LTBP1: variants seen among roughly 807,000 people sequenced by gnomAD.
LTBP1 encodes the protein latent transforming growth factor beta binding protein 1, also known as latent-transforming growth factor beta-binding protein 1.
Under a neutral mutation model 207.6 loss-of-function variants are expected in LTBP1, and 129 were observed. That is an observed-to-expected ratio of 0.62 (90% CI 0.54 to 0.72). The LOEUF (loss-of-function observed/expected upper bound fraction) is 0.72. Ranked by LOEUF, LTBP1 falls within the 30% of genes least tolerant of loss-of-function variation. The probability of loss-of-function intolerance (pLI) is 0.00; values close to 1 mark genes in which losing one functional copy is unlikely to be tolerated. For synonymous variants in LTBP1, 963 were observed against 833.7 expected (o/e 1.16, Z -2.67); for missense variants, 2,281 against 2,217.2 (o/e 1.03, Z -0.58).
intron 4 of LTBP1, among the ~76,000 whole-genome samples, chr2:33,112,143 T>A (rs531536774): frequency 6.6e-6 from 1 of 152,202 alleles, no homozygotes; most frequent in African/African-American, 2.4e-5. Context: ...ATGATTATAC[T>A]GATAAGAGAA....
intron 5 of LTBP1, among the ~76,000 whole-genome samples, chr2:33,159,558 G>A (rs1179476740): frequency 6.6e-6 from 1 of 152,170 alleles, no homozygotes; most frequent in Middle Eastern, 3.2e-3. Flanking sequence ...TGGTGATTGT[G>A]CTTCTAACCC....
chr2:32,948,834 G>T (rs986304905), intron 1 of LTBP1, 41 bp from the exon 2 acceptor site: 1 of 1,575,782 alleles, frequency 6.3e-7, no homozygotes, highest in African/African-American at 1.3e-5. Context: ...TGGGAAGGGG[G>T]TCTTTCTGCT....
In LTBP1 at chr2:33,311,169, C is replaced by G. The variant is rs116477984; in HGVS notation, c.3604+1613C>G. Among the ~76,000 whole-genome samples, 611 of 152,210 alleles carry G rather than the reference C, an allele frequency of 4.0e-3. 6 individuals carry two copies. Among genetic ancestry groups the G allele is most frequent in the African/African-American group, 0.014 (587 of 41,520 alleles). On this transcript the variant is annotated intron_variant, in intron 23 of 33. Transcript: ENST00000404816. ...ATATATCTATATTACCGGTCACACC[C>G]AGCCATGTGTCAGAGATATGAAAAA...
In LTBP1 at chr2:33,364,274, G is replaced by A; in HGVS notation, c.4458G>A (p.Glu1486=). 2 of 1,613,884 alleles carry A rather than the reference G, an allele frequency of 1.2e-6. No individual in the cohort carries two copies. The highest frequency in any genetic ancestry group is 1.1e-5 in the South Asian group (1 of 91,072). Residue 1486 remains glutamate, a synonymous_variant, in exon 30 of 34, where the codon GAG becomes GAA. Transcript: ENST00000404816. ...TTGATGGCCAGTGTGTTAATACAGA[G>A]GGCTCTTACAACTGCTTCTGTACTC... is the stretch of plus-strand genomic sequence containing the variant. ...SCIDGQCVNT[E]GSYNCFCTHP...
chr2:33,016,069 A>G (rs1688335087), intron 2 of LTBP1, among the ~76,000 whole-genome samples: 1 of 152,090 alleles, frequency 6.6e-6, no homozygotes. Context: ...GTCAGTGGAC[A>G]TTTGGGAGAG....
intron 3 of LTBP1, among the ~76,000 whole-genome samples, chr2:33,052,685 T>A (rs1427681302): frequency 2.0e-5 from 3 of 152,240 alleles, no homozygotes; most frequent in African/African-American, 7.2e-5. Flanking sequence ...ATATACTATT[T>A]GTAAGTTTTC....
chr2:33,238,974 A>G (rs1490637532), intron 9 of LTBP1, among the ~76,000 whole-genome samples: 1 of 152,116 alleles, frequency 6.6e-6, no homozygotes, highest in Admixed American at 6.5e-5. Flanking sequence ...TGATTACTTT[A>G]TATTCTTCTA....
chr2:33,144,718 TA>T (rs2082882794), intron 5 of LTBP1, among the ~76,000 whole-genome samples: 1 of 152,236 alleles, frequency 6.6e-6, no homozygotes, highest in African/African-American at 2.4e-5. Context: ...GCAGTATATA[TA>T]CCTGCACCAT....
chr2:33,105,095 TA>T (rs374089096), intron 3 of LTBP1, among the ~76,000 whole-genome samples: 66 of 152,296 alleles, frequency 4.3e-4, no homozygotes, highest in African/African-American at 1.6e-3. Context: ...CTTGCTCTAG[TA>T]GATGAAGACT....
chr2:32,973,142 A>G (rs1681166047), intron 2 of LTBP1, among the ~76,000 whole-genome samples: 1 of 151,872 alleles, frequency 6.6e-6, no homozygotes, highest in African/African-American at 2.4e-5. Context: ...ACTTCTGTGG[A>G]TGTCTGTTAG....
intron 5 of LTBP1, among the ~76,000 whole-genome samples, chr2:33,138,314 G>A (rs763569052): frequency 1.6e-4 from 24 of 152,174 alleles, no homozygotes; most frequent in Non-Finnish European, 2.9e-4. Context: ...AGGCCCAAAT[G>A]AATATGGTAT....
At chr2:32,991,557 T>C (rs950988444) in intron 2 of LTBP1, among the ~76,000 whole-genome samples, 1 of 152,224 alleles carries the variant, frequency 6.6e-6, no homozygotes, top group Non-Finnish European at 1.5e-5. Flanking sequence ...CTTTTATTCT[T>C]GCGGAACTTC....
chr2:33,030,942 ATAAC>A (rs1235016128), intron 3 of LTBP1, among the ~76,000 whole-genome samples: 2 of 152,184 alleles, frequency 1.3e-5, no homozygotes, highest in East Asian at 1.9e-4. Context: ...TTTTATGTGG[ATAAC>A]TAACATCTTC....
chr2:33,316,182 G>GACTATTATAGCTTGCTAAATGGAGGA (rs140683616), intron 24 of LTBP1, among the ~76,000 whole-genome samples: 1 of 151,980 alleles, frequency 6.6e-6, no homozygotes, highest in African/African-American at 2.4e-5. Context: ...TGTTCTTGAT[G>GACTATTATAGCTTGCTAAATGGAGGA]ATAATTTACC....
At chr2:33,384,528 C>T (rs1414541596) in intron 31 of LTBP1, among the ~76,000 whole-genome samples, 1 of 152,206 alleles carries the variant, frequency 6.6e-6, no homozygotes, top group Admixed American at 6.5e-5. Context: ...CCTCTCAGGG[C>T]AAGCCCTGCT....
intron 2 of LTBP1, among the ~76,000 whole-genome samples, chr2:32,998,457 A>T (rs1231244151): frequency 7.9e-6 from 1 of 127,102 alleles, no homozygotes; most frequent in Non-Finnish European, 1.6e-5. Context: ...CGGAGGTTGC[A>T]ATGAGCCAAG....
At chr2:33,333,573 G>A (rs2094521283) in intron 24 of LTBP1, among the ~76,000 whole-genome samples, 1 of 152,184 alleles carries the variant, frequency 6.6e-6, no homozygotes, top group African/African-American at 2.4e-5. Flanking sequence ...GAGAACTGTT[G>A]AAGAGGGGTC....
At chr2:33,057,287 T>C (rs952205804) in intron 3 of LTBP1, among the ~76,000 whole-genome samples, 2 of 152,148 alleles carry the variant, frequency 1.3e-5, no homozygotes, top group Non-Finnish European at 2.9e-5. Flanking sequence ...AGAGTGCTCA[T>C]TGGTGTATTT....
In LTBP1 at chr2:32,961,463, A is replaced by G. The variant is rs189680126; in HGVS notation, c.565+12518A>G. Among the ~76,000 whole-genome samples, 193 of 152,384 alleles carry G rather than the reference A, an allele frequency of 1.3e-3. 2 individuals carry two copies. The highest frequency in any genetic ancestry group is 1.3e-3 in the Non-Finnish European group (87 of 68,042). On this transcript the variant is annotated intron_variant, in intron 2 of 33. Transcript: ENST00000404816. ...GATTAAAAATTTTATTTTGATGATCATAGAAAATCTACAGAGAGCTGATAG... is the reference window on the plus strand; with the variant it reads ...GATTAAAAATTTTATTTTGATGATCGTAGAAAATCTACAGAGAGCTGATAG...
Sources: gnomAD v4.1 joint callset for allele counts (sites outside exome capture counted in the v4.1 genomes callset) on GRCh38, gnomAD v4.1.1 for gene constraint, MANE v1.5 for transcripts, NCBI Gene and HGNC (gene_info 2026-07-23, HGNC 2026-07-21) for gene names.